Variants in USP6 observed in about 807,000 individuals in gnomAD.
USP6 encodes the protein ubiquitin carboxyl-terminal hydrolase 6.
A neutral mutation model predicts 175.7 loss-of-function variants in USP6; 128 were observed. The observed-to-expected ratio is 0.73, with a 90% CI of 0.63 to 0.84. The LOEUF is 0.84. Among genes scored for constraint, USP6 ranks in the 40% least tolerant of loss-of-function variants. The probability of loss-of-function intolerance (pLI) is 0.00; values close to 1 mark genes in which losing one functional copy is unlikely to be tolerated. For synonymous variants in USP6, 562 were observed against 630.6 expected (o/e 0.89, Z 1.63); for missense variants, 1,498 against 1,760.3 (o/e 0.85, Z 2.67).
At chr17:5,158,606 G>GT in intron 31 of USP6, among the ~76,000 whole-genome samples, 1 of 54,614 alleles carries the variant, frequency 1.8e-5, no homozygotes, top group Admixed American at 2.1e-4. Flanking sequence ...AGAGAGAGAG[G>GT]GAGAGGGGGA....
chr17:5,158,604 AGGGAGAGG>A (rs2073936940), intron 31 of USP6, among the ~76,000 whole-genome samples: 2 of 122,202 alleles, frequency 1.6e-5, no homozygotes, highest in Admixed American at 9.1e-5. Flanking sequence ...AGAGAGAGAG[AGGGAGAGG>A]GGGAGAGAGA....
chr17:5,148,474 C>T, intron 29 of USP6, 82 bp from the exon 30 acceptor site: 2 of 1,500,608 alleles, frequency 1.3e-6, no homozygotes, highest in Non-Finnish European at 1.8e-6. Context: ...TACACTGTCT[C>T]TCGTCCTCAG....
chr17:5,166,688 C>G (rs34318356), intron 33 of USP6, among the ~76,000 whole-genome samples: 12,856 of 152,034 alleles, frequency 0.085, 703 homozygotes, highest in Middle Eastern at 0.16. Context: ...CACCCACCTT[C>G]CCATACATTA....
chr17:5,134,359 G>C (rs1266769396), intron 15 of USP6: 1 of 275,284 alleles, frequency 3.6e-6, no homozygotes, highest in African/African-American at 2.2e-5. Flanking sequence ...ACCAAATGCT[G>C]GGAGAATTAG....
In USP6 at chr17:5,120,667, G is replaced by A. The variant is rs182232657; in HGVS notation, c.-1796G>A. ...TGAGGTCAGGTGGATGAGGATGTCAGTGTGAAGATGGACACTGTGCCTGGA... is the reference window on the plus strand; with the variant it reads ...TGAGGTCAGGTGGATGAGGATGTCAATGTGAAGATGGACACTGTGCCTGGA... On this transcript the variant is annotated 5_prime_UTR_variant, in exon 3 of 38. The change creates a new upstream start codon in the 5' untranslated region. Coordinates refer to ENST00000574788, the MANE Select transcript of USP6 (RefSeq NM_001304284.2). The A allele has an allele frequency of 1.5e-5, 6 of 399,710 alleles. No homozygotes were observed. Among genetic ancestry groups the A allele is most frequent in the South Asian group, 1.1e-4 (6 of 52,422 alleles). 24.8% of individuals were successfully genotyped at this position (399,710 alleles called of 1,614,324 possible). A position where few individuals can be genotyped will look rare whatever the true frequency, so the allele number is the denominator to read the frequency against.
chr17:5,124,872 T>TATGCA lies in USP6; in HGVS notation c.-991_-990insTGCAA, dbSNP rs1322644415. On this transcript the variant is annotated 5_prime_UTR_variant, in exon 5 of 38. In the 5' UTR this introduces an upstream ATG that the reference lacks. Transcript: ENST00000574788. Reference sequence around the variant, plus strand: ...GTGCTGCGGGACCCTTGGGTGGGTGTAGGTATGCAAGGTAATTTTGGGTGG... The same window carrying TATGCA: ...GTGCTGCGGGACCCTTGGGTGGGTGTATGCAAGGTATGCAAGGTAATTTTGGGTGG... 6.6e-6 allele frequency: 1 copy of TATGCA among 152,168 alleles called. No individual in the cohort carries two copies. Among genetic ancestry groups the TATGCA allele is most frequent in the African/African-American group, 2.4e-5 (1 of 41,432 alleles). The allele number at this position is 152,168 out of a possible 1,614,324, so 9.4% of individuals were successfully genotyped here.
In USP6 at chr17:5,167,979, C is replaced by T. The variant is rs369773020; in HGVS notation, c.3084C>T (p.Ala1028=). The T allele has an allele frequency of 4.5e-5, 72 of 1,611,904 alleles. 1 individual carries two copies. In the African/African-American group the frequency reaches 5.3e-4, roughly 12 times the overall value. ...TGGAGCAGAGTCGGCGAGCGCAAGC[C>T]GAGCCCATCAACCTGGACAGCTGTC... ...ESVEQSRRAQ[A]EPINLDSCLR... Residue 1028 remains alanine (A), a synonymous_variant, in exon 34 of 38, where the codon GCC becomes GCT. Transcript: ENST00000574788.
At chr17:5,116,794 C>T (rs1310980005) in intron 1 of USP6, 54 bp downstream of exon 1, 1 of 152,222 alleles carries the variant, frequency 6.6e-6, no homozygotes, top group Non-Finnish European at 1.5e-5. Context: ...ATGTATAAAA[C>T]AGGGTTAACA....
At chr17:5,139,057 G>GC in intron 21 of USP6, 198 bp from the exon 22 acceptor site, 1 of 1,587,500 alleles carries the variant, frequency 6.3e-7, no homozygotes, top group Non-Finnish European at 8.5e-7. Flanking sequence ...CACCCACCAT[G>GC]CCCCAACGGC....
intron 25 of USP6, among the ~76,000 whole-genome samples, chr17:5,143,203 A>G (rs1202234691): frequency 6.6e-6 from 1 of 151,760 alleles, no homozygotes; most frequent in Non-Finnish European, 1.5e-5. Flanking sequence ...GGCCGCCCCT[A>G]CTGGGAAGTG....
chr17:5,133,250 G>A (rs979545443), intron 13 of USP6, among the ~76,000 whole-genome samples, 193 bp from the exon 14 acceptor site: 1 of 152,118 alleles, frequency 6.6e-6, no homozygotes, highest in Non-Finnish European at 1.5e-5. Flanking sequence ...GAAGGAAAAG[G>A]TTCGGATCAG....
Position 5,121,357 on chromosome 17 carries a change from G to T in USP6, c.-1674-18G>T. On this transcript the variant is annotated intron_variant, in intron 3 of 37. Coordinates refer to ENST00000574788, the MANE Select transcript of USP6 (RefSeq NM_001304284.2). ...CTGAAAATCTCCTGAAACCCCTGTGGCCCACTCTGCCTTCCAGAGAGAGGG... is the reference window on the plus strand; with the variant it reads ...CTGAAAATCTCCTGAAACCCCTGTGTCCCACTCTGCCTTCCAGAGAGAGGG... 2.9e-6 allele frequency: 1 copy of T among 342,538 alleles called. No homozygotes were observed. Among genetic ancestry groups the T allele is most frequent in the South Asian group, 2.4e-5 (1 of 42,164 alleles). 21.2% of individuals were successfully genotyped at this position (342,538 alleles called of 1,614,324 possible).
intron 7 of USP6, 102 bp downstream of exon 7, chr17:5,127,741 C>T (rs1295021112): frequency 6.6e-6 from 1 of 152,176 alleles, no homozygotes; most frequent in African/African-American, 2.4e-5. Context: ...CATAACATGA[C>T]CTAGTATTTA....
chr17:5,163,782 C>T (rs2074050401), intron 33 of USP6, among the ~76,000 whole-genome samples: 1 of 152,148 alleles, frequency 6.6e-6, no homozygotes, highest in Non-Finnish European at 1.5e-5. Context: ...TGTCCCAGGG[C>T]TGTAGCTGCT....
At chr17:5,168,720 A>T in intron 34 of USP6, 47 bp from the exon 35 acceptor site, 2 of 1,504,690 alleles carry the variant, frequency 1.3e-6, no homozygotes, top group Non-Finnish European at 1.8e-6. Flanking sequence ...TAAATTTTGT[A>T]TCTTCAGAAC....
intron 32 of USP6, 34 bp from the exon 33 acceptor site, chr17:5,162,850 T>A: frequency 6.3e-7 from 1 of 1,578,632 alleles, no homozygotes; most frequent in Non-Finnish European, 8.5e-7. Context: ...TTCATAATTA[T>A]TTCTTCCTCT....
chr17:5,148,435 T>C, intron 29 of USP6, 121 bp from the exon 30 acceptor site: 4 of 1,145,064 alleles, frequency 3.5e-6, no homozygotes, highest in Non-Finnish European at 4.9e-6. Context: ...ATTTATACTA[T>C]GATTTCTCCC....
At position 5,144,679 on chromosome 17, in the gene USP6, T is replaced by C; in HGVS notation, c.1819-11T>C. On this transcript the variant is annotated splice_polypyrimidine_tract_variant and intron_variant, in intron 25 of 37. Transcript: ENST00000574788. ...AGGAAATAATGACTGTGACTTCTCT[T>C]ATATTTATAGCGGACCATAGCAAAA... 1.2e-6 allele frequency: 2 copies of C among 1,612,416 alleles called. No homozygotes were observed. The highest frequency in any genetic ancestry group is 1.3e-5 in the African/African-American group (1 of 74,926).
intron 13 of USP6, among the ~76,000 whole-genome samples, 197 bp from the exon 14 acceptor site, chr17:5,133,246 A>T (rs1020956768): frequency 1.3e-5 from 2 of 151,978 alleles, no homozygotes; most frequent in Non-Finnish European, 2.9e-5. Context: ...GAAGGAAGGA[A>T]AAGGTTCGGA....
Sources: allele counts gnomAD v4.1 joint callset (sites outside exome capture counted in the v4.1 genomes callset), GRCh38; gene constraint gnomAD v4.1.1; transcripts MANE v1.5; gene names NCBI Gene and HGNC (gene_info 2026-07-23, HGNC 2026-07-21).